The following CRACD variants were observed in gnomAD, a reference collection of about 807,000 sequenced individuals.
The protein encoded by CRACD is capping protein inhibiting regulator of actin dynamics, also known as capping protein-inhibiting regulator of actin dynamics.
In CRACD, 56 loss-of-function variants were observed where a neutral mutation model predicts 106.8. The observed-to-expected ratio is 0.52, with a 90% confidence interval of 0.42 to 0.66. The LOEUF is 0.66. Ranked by LOEUF, CRACD falls within the 30% of genes least tolerant of loss-of-function variation. The pLI is 0.00. For synonymous variants in CRACD, 754 were observed against 670.8 expected (o/e 1.12, Z -1.92); for missense variants, 1,730 against 1,623.2 (o/e 1.07, Z -1.13).
intron 2 of CRACD, among the ~76,000 whole-genome samples, chr4:56,196,670 ACT>A (rs1200470641): frequency 6.6e-6 from 1 of 152,094 alleles, no homozygotes; most frequent in East Asian, 1.9e-4. Context: ...ACATCTAGTG[ACT>A]CTGTCTTTAC....
chr4:56,087,791 T>A (rs540724347), intron 1 of CRACD, among the ~76,000 whole-genome samples: 1 of 152,188 alleles, frequency 6.6e-6, no homozygotes, highest in African/African-American at 2.4e-5. Context: ...CTTTTTTTAC[T>A]TACTTATTTC....
At chr4:56,310,030 A>AG (rs1424511183) in intron 5 of CRACD, among the ~76,000 whole-genome samples, 2 of 151,622 alleles carry the variant, frequency 1.3e-5, no homozygotes, top group Non-Finnish European at 2.9e-5. Flanking sequence ...AAAAAAAAAA[A>AG]AAAGAAAAAG....
At chr4:56,165,413 AAACC>A (rs1283561760) in intron 1 of CRACD, among the ~76,000 whole-genome samples, 3 of 152,156 alleles carry the variant, frequency 2.0e-5, no homozygotes, top group Non-Finnish European at 4.4e-5. Flanking sequence ...TCAATCCAGG[AAACC>A]ATTGATTATT....
At chr4:56,286,286 G>A (rs1394413486) in intron 3 of CRACD, among the ~76,000 whole-genome samples, 1 of 151,838 alleles carries the variant, frequency 6.6e-6, no homozygotes, top group Non-Finnish European at 1.5e-5. Context: ...CCAGCTGCTT[G>A]GGAGGCTGAG....
intron 1 of CRACD, among the ~76,000 whole-genome samples, chr4:56,107,582 G>A (rs1489702515): frequency 6.6e-6 from 1 of 152,114 alleles, no homozygotes; most frequent in Non-Finnish European, 1.5e-5. Context: ...ACCACTGGCA[G>A]TCCCATTGGT....
intron 3 of CRACD, among the ~76,000 whole-genome samples, chr4:56,280,016 C>G (rs1055397942): frequency 2.0e-5 from 3 of 151,364 alleles, no homozygotes; most frequent in Admixed American, 2.0e-4. Flanking sequence ...AGCTGGAAAC[C>G]ATCATTCTCA....
intron 10 of CRACD, among the ~76,000 whole-genome samples, chr4:56,324,848 G>A (rs947138516): frequency 2.0e-5 from 3 of 152,148 alleles, no homozygotes; most frequent in African/African-American, 4.8e-5. Context: ...GAGCTGAAAC[G>A]TTTGCTCAGG....
Position 56,316,149 on chromosome 4 carries a change from C to T in CRACD, c.2647C>T (p.Pro883Ser). ...SSTGDSADAG[P>S]PAAGSARGEK... ...CACCGGAGACAGCGCGGATGCAGGG[C>T]CGCCTGCAGCGGGGAGCGCTCGTGG... Residue 883 changes from proline to serine, a missense_variant, in exon 8 of 11, where the codon CCG (proline) becomes TCG (serine). Around this residue, in one of 5 missense-constraint regions of CRACD, gnomAD observed 1,620 missense variants for 1,481.6 expected, o/e 1.09. Coordinates refer to ENST00000682029, the MANE Select transcript of CRACD (RefSeq NM_001393381.1). 1 of 1,614,152 alleles carries T rather than the reference C, an allele frequency of 6.2e-7. No homozygotes were observed. Among genetic ancestry groups the T allele is most frequent in the Non-Finnish European group, 8.5e-7 (1 of 1,180,010 alleles).
At chr4:56,198,907 G>C (rs12649000) in intron 2 of CRACD, among the ~76,000 whole-genome samples, 9,616 of 152,214 alleles carry the variant, frequency 0.063, 1,061 homozygotes, top group East Asian at 0.49. Context: ...AGGAGCCATC[G>C]ATTATGTAGT....
chr4:56,088,262 G>A (rs776530478), intron 1 of CRACD, among the ~76,000 whole-genome samples: 13 of 151,778 alleles, frequency 8.6e-5, no homozygotes, highest in Admixed American at 2.6e-4. Context: ...AGTAAATAGC[G>A]TAATACCTGA....
chr4:56,261,090 T>C lies in CRACD; in HGVS notation c.-188-11231T>C, dbSNP rs545245768. On this transcript the variant is annotated intron_variant, in intron 2 of 10. Coordinates refer to ENST00000682029, the MANE Select transcript of CRACD (RefSeq NM_001393381.1). ...GTGTAGAACTGACATGATTTTAATG[T>C]GTTCAGCCTTTGTGTAGGGGTATCC... 2.6e-5 allele frequency among the ~76,000 whole-genome samples: 4 copies of C among 152,242 alleles called. No homozygotes were observed. In the East Asian group the frequency reaches 5.8e-4, roughly 22 times the overall value.
intron 1 of CRACD, among the ~76,000 whole-genome samples, chr4:56,122,887 C>T (rs1403430258): frequency 2.0e-5 from 3 of 152,182 alleles, no homozygotes; most frequent in African/African-American, 7.2e-5. Context: ...CACTAAAGGG[C>T]AGCTGGGGTG....
intron 1 of CRACD, among the ~76,000 whole-genome samples, chr4:56,105,673 A>T (rs1284200711): frequency 6.6e-6 from 1 of 152,228 alleles, no homozygotes; most frequent in Non-Finnish European, 1.5e-5. Context: ...CTTTCAATGT[A>T]GCAAACCTAA....
chr4:56,092,634 ACT>A (rs1289980113), intron 1 of CRACD, among the ~76,000 whole-genome samples: 1 of 151,876 alleles, frequency 6.6e-6, no homozygotes, highest in African/African-American at 2.4e-5. Flanking sequence ...ACAAGGTCTC[ACT>A]CTGTCGCCCA....
chr4:56,183,360 G>A (rs188668056), intron 2 of CRACD, among the ~76,000 whole-genome samples: 10 of 152,018 alleles, frequency 6.6e-5, no homozygotes, highest in African/African-American at 1.4e-4. Flanking sequence ...CCCTCTAAAC[G>A]TGCAGCCGTC....
At chr4:56,219,890 G>T (rs562059709) in intron 2 of CRACD, among the ~76,000 whole-genome samples, 2 of 152,300 alleles carry the variant, frequency 1.3e-5, no homozygotes, top group Admixed American at 1.3e-4. Flanking sequence ...TGTTGGGTAA[G>T]ATATTTAATA....
At chr4:56,215,423 T>C (rs1276403110) in intron 2 of CRACD, among the ~76,000 whole-genome samples, 2 of 152,226 alleles carry the variant, frequency 1.3e-5, no homozygotes, top group Non-Finnish European at 2.9e-5. Context: ...ACCTTGGCAG[T>C]TAGAATTTCA....
chr4:56,104,816 A>T (rs1300406685), intron 1 of CRACD, among the ~76,000 whole-genome samples: 2 of 152,040 alleles, frequency 1.3e-5, no homozygotes, highest in Non-Finnish European at 1.5e-5. Flanking sequence ...AAATACAAAA[A>T]ATTAGCTGGG....
intron 2 of CRACD, among the ~76,000 whole-genome samples, chr4:56,249,188 C>T (rs936251169): frequency 2.0e-5 from 3 of 149,854 alleles, no homozygotes; most frequent in African/African-American, 4.9e-5. Flanking sequence ...TACAGTCCCA[C>T]CAACAGTGTA....
Sources: gnomAD v4.1 joint callset for allele counts (sites outside exome capture counted in the v4.1 genomes callset) on GRCh38, gnomAD v4.1.1 for gene constraint, gnomAD v4.1.1 regional missense constraint, MANE v1.5 for transcripts, NCBI Gene and HGNC (gene_info 2026-07-23, HGNC 2026-07-21) for gene names.